ZDHHC2: variants seen among roughly 807,000 people sequenced by gnomAD.
ZDHHC2 encodes palmitoyltransferase ZDHHC2.
In ZDHHC2, 51 loss-of-function variants were observed where a neutral mutation model predicts 55.6. The ratio of observed to expected loss-of-function variants is 0.92; its 90% CI spans 0.73 to 1.16. ZDHHC2 has a LOEUF of 1.16. Among genes scored for constraint, ZDHHC2 ranks in the 50% most tolerant of loss-of-function variants. The pLI, the probability that ZDHHC2 is intolerant of heterozygous loss-of-function variation, is 0.00. For synonymous variants in ZDHHC2, 199 were observed against 152.9 expected (o/e 1.30, Z -2.22); for missense variants, 491 against 442.4 (o/e 1.11, Z -0.99).
Position 17,210,048 on chromosome 8 carries a change from A to AT in ZDHHC2, c.853dup (p.Ser285PhefsTer5). On this transcript the variant is annotated frameshift_variant, in exon 9 of 13. Coordinates refer to ENST00000262096, the MANE Select transcript of ZDHHC2 (RefSeq NM_016353.5). LOFTEE classifies it high-confidence loss of function. ...TGAGAAGAAGTACTGGTTGCTACCCATTTTTTCAAGGTACTTCTTTGTTAA... is the reference window on the plus strand; with the variant it reads ...TGAGAAGAAGTACTGGTTGCTACCCATTTTTTTCAAGGTACTTCTTTGTTAA... 5 of 1,600,120 alleles carry AT rather than the reference A, an allele frequency of 3.1e-6. No individual in the cohort carries two copies. The highest frequency in any genetic ancestry group is 3.4e-6 in the Non-Finnish European group (4 of 1,172,760).
At chr8:17,167,725 T>A (rs1158339818) in intron 1 of ZDHHC2, among the ~76,000 whole-genome samples, 1 of 152,184 alleles carries the variant, frequency 6.6e-6, no homozygotes, top group East Asian at 1.9e-4. Flanking sequence ...CTTGAAAATT[T>A]AAAAGATAAA....
At chr8:17,215,843 G>C (rs1428095948) in intron 11 of ZDHHC2, among the ~76,000 whole-genome samples, 2 of 152,114 alleles carry the variant, frequency 1.3e-5, no homozygotes, top group Non-Finnish European at 2.9e-5. Context: ...TACTGTTGTT[G>C]ATTTCAATCT....
chr8:17,207,643 T>C (rs906469268), intron 7 of ZDHHC2, among the ~76,000 whole-genome samples: 5 of 152,202 alleles, frequency 3.3e-5, no homozygotes, highest in Non-Finnish European at 5.9e-5. Flanking sequence ...AAACTACATT[T>C]TATAGTTCCA....
chr8:17,210,938 A>G (rs1163817070), intron 10 of ZDHHC2, among the ~76,000 whole-genome samples: 2 of 152,042 alleles, frequency 1.3e-5, no homozygotes, highest in East Asian at 3.9e-4. Flanking sequence ...ATTTTAATGT[A>G]TATTATGGAC....
intron 7 of ZDHHC2, among the ~76,000 whole-genome samples, chr8:17,207,109 C>CA (rs1807137445): frequency 6.6e-6 from 1 of 152,104 alleles, no homozygotes; most frequent in Non-Finnish European, 1.5e-5. Context: ...TTTTCGCTGT[C>CA]AAAAAAACCT....
In ZDHHC2 at chr8:17,182,013, T is replaced by C. The variant is rs187810884; in HGVS notation, c.131-2776T>C. ...TGCCATTAAACTGAAAATTACAAGG[T>C]AAATCACTGATTTACTAATTAAGTA... is the stretch of plus-strand genomic sequence containing the variant. On this transcript the variant is annotated intron_variant, in intron 1 of 12. Coordinates refer to ENST00000262096, the MANE Select transcript of ZDHHC2 (RefSeq NM_016353.5). 3.4e-3 allele frequency among the ~76,000 whole-genome samples: 523 copies of C among 152,304 alleles called. 4 individuals carry two copies. The highest frequency in any genetic ancestry group is 0.011 in the African/African-American group (465 of 41,574).
chr8:17,212,422 A>G (rs1412998250), intron 10 of ZDHHC2, among the ~76,000 whole-genome samples: 1 of 152,082 alleles, frequency 6.6e-6, no homozygotes, highest in Non-Finnish European at 1.5e-5. Context: ...AGTGACCTCC[A>G]TTCTCCCACG....
chr8:17,208,407 A>C (rs915809686), intron 8 of ZDHHC2, among the ~76,000 whole-genome samples: 6 of 151,712 alleles, frequency 4.0e-5, no homozygotes, highest in Non-Finnish European at 4.4e-5. Flanking sequence ...GAGGGGCACT[A>C]GGAATATTTT....
Position 17,207,966 on chromosome 8 carries a change from C to G in ZDHHC2, c.604C>G (p.Leu202Val). The G allele has an allele frequency of 6.4e-7, 1 of 1,551,054 alleles. No individual in the cohort carries two copies. The highest frequency in any genetic ancestry group is 8.7e-7 in the Non-Finnish European group (1 of 1,147,280). The change falls in exon 8 of 13, where the codon CTA becomes GTA. Residue 202 changes from leucine to valine, a missense_variant. Transcript: ENST00000262096. ...TTTCTTCCTTTCTTTATAGAATGGC[C>G]TACCTGATACTCAAGCCAAGTTCCA... is the stretch of plus-strand genomic sequence containing the variant. ...QYFIKFWTNG[L>V]PDTQAKFHIM...
At chr8:17,172,516 C>T (rs1320079578) in intron 1 of ZDHHC2, among the ~76,000 whole-genome samples, 5 of 152,172 alleles carry the variant, frequency 3.3e-5, no homozygotes, top group African/African-American at 4.8e-5. Flanking sequence ...GGCTCTACAT[C>T]CACGTGCCTA....
At chr8:17,213,461 A>G (rs777644478) in intron 10 of ZDHHC2, among the ~76,000 whole-genome samples, 17 of 152,036 alleles carry the variant, frequency 1.1e-4, no homozygotes, top group Non-Finnish European at 1.9e-4. Context: ...CATATTGGCC[A>G]GGCTGGTCTC....
At chr8:17,197,003 A>G (rs1158657951) in intron 4 of ZDHHC2, among the ~76,000 whole-genome samples, 1 of 152,178 alleles carries the variant, frequency 6.6e-6, no homozygotes, top group Non-Finnish European at 1.5e-5. Flanking sequence ...CTCACACATA[A>G]TGTTTTCCTG....
At chr8:17,182,370 T>G (rs1440146731) in intron 1 of ZDHHC2, among the ~76,000 whole-genome samples, 4 of 152,072 alleles carry the variant, frequency 2.6e-5, no homozygotes, top group Non-Finnish European at 4.4e-5. Flanking sequence ...CAAACTGCAC[T>G]AATAATAAGG....
At chr8:17,197,445 C>T (rs1382543279) in intron 4 of ZDHHC2, 137 bp from the exon 5 acceptor site, 1 of 756,954 alleles carries the variant, frequency 1.3e-6, no homozygotes, top group African/African-American at 1.8e-5. Flanking sequence ...TAAACAGCAT[C>T]AAATATCTTA....
chr8:17,169,546 G>A (rs570465423), intron 1 of ZDHHC2, among the ~76,000 whole-genome samples: 1 of 152,296 alleles, frequency 6.6e-6, no homozygotes, highest in South Asian at 2.1e-4. Context: ...CTGATAAAGA[G>A]GAGTGGGTGG....
chr8:17,165,140 C>G (rs1804540811), intron 1 of ZDHHC2, among the ~76,000 whole-genome samples: 1 of 152,176 alleles, frequency 6.6e-6, no homozygotes, highest in South Asian at 2.1e-4. Flanking sequence ...TGAGAGACAC[C>G]TGAGGCCAAC....
At position 17,202,167 on chromosome 8, in the gene ZDHHC2, G is replaced by A. The variant is rs577579482; in HGVS notation, c.477-3488G>A. ...TATTGAGTGCCGGTTATGTTCTAGA[G>A]GCCATACACATAATCTGTAATACTT... On this transcript the variant is annotated intron_variant, in intron 6 of 12. Transcript: ENST00000262096. 2.6e-5 allele frequency among the ~76,000 whole-genome samples: 4 copies of A among 152,246 alleles called. No homozygotes were observed. In the East Asian group the frequency reaches 7.7e-4, roughly 29 times the overall value.
At chr8:17,168,536 C>T (rs1804712060) in intron 1 of ZDHHC2, among the ~76,000 whole-genome samples, 1 of 151,982 alleles carries the variant, frequency 6.6e-6, no homozygotes, top group Non-Finnish European at 1.5e-5. Flanking sequence ...TTTAAGTATA[C>T]AGATTAGTGT....
intron 1 of ZDHHC2, among the ~76,000 whole-genome samples, chr8:17,180,567 A>G (rs146282539): frequency 2.1e-4 from 32 of 152,238 alleles, no homozygotes; most frequent in African/African-American, 7.5e-4. Flanking sequence ...AAGATGAAAG[A>G]TGATATATTA....
Sources: allele counts gnomAD v4.1 joint callset (sites outside exome capture counted in the v4.1 genomes callset), GRCh38; gene constraint gnomAD v4.1.1; transcripts MANE v1.5; gene names NCBI Gene and HGNC (gene_info 2026-07-23, HGNC 2026-07-21).